The following MMEL1 variants were observed in gnomAD, a reference collection of about 807,000 sequenced individuals.
The protein encoded by MMEL1 is membrane metallo-endopeptidase-like 1.
Under a neutral mutation model 117.1 loss-of-function variants are expected in MMEL1, and 98 were observed. The ratio of observed to expected loss-of-function variants is 0.84; its 90% CI spans 0.71 to 0.99. MMEL1 has a LOEUF of 0.99. MMEL1 is among the 50% of genes least tolerant of loss of function. MMEL1 has a pLI of 0.00. For missense variants in MMEL1, 1,014 were observed against 1,049.1 expected, an observed-to-expected ratio of 0.97 and a Z score of 0.46; for synonymous variants, 390 against 415.1, an observed-to-expected ratio of 0.94 and a Z score of 0.74.
At chr1:2,629,207 G>T in intron 2 of MMEL1, 124 bp downstream of exon 2, 1 of 1,124,388 alleles carries the variant, frequency 8.9e-7, no homozygotes, top group Non-Finnish European at 1.2e-6. Context: ...GCCCAGTGCA[G>T]ACCCACCTGC....
chr1:2,590,705 G>A lies in MMEL1; in HGVS notation c.*285C>T, dbSNP rs113521430. On this transcript the variant is annotated 3_prime_UTR_variant, in exon 24 of 24. Coordinates refer to ENST00000378412, the MANE Select transcript of MMEL1 (RefSeq NM_033467.4). ...ATACTGGAAGACAATGCACCTTGGA[G>A]GGTGGGCAGGACACAGTTGATTGTC... The A allele has an allele frequency of 1.1e-4, 42 of 376,366 alleles. No individual in the cohort carries two copies. The highest frequency in any genetic ancestry group is 7.7e-4 in the African/African-American group (37 of 48,334). The allele number at this position is 376,366 out of a possible 1,614,324, so 23.3% of individuals were successfully genotyped here. A position where few individuals can be genotyped will look rare whatever the true frequency, so the allele number is the denominator to read the frequency against.
intron 7 of MMEL1, 125 bp downstream of exon 7, chr1:2,606,849 G>C: frequency 1.1e-6 from 1 of 870,120 alleles, no homozygotes; most frequent in East Asian, 2.5e-5. Context: ...GGCCTCTTGG[G>C]GCTCCTGAGA....
Position 2,606,223 on chromosome 1 carries a change from C to T in MMEL1, c.750+25G>A, listed in dbSNP as rs777891603. 2.5e-6 allele frequency: 4 copies of T among 1,592,464 alleles called. No individual in the cohort carries two copies. In the African/African-American group the frequency reaches 4.0e-5, roughly 16 times the overall value. ...AGCCAGGCTTGGGGACCCTGCCTAC[C>T]CCTGCCCACCGGCGCGGCTCGTACG... On this transcript the variant is annotated intron_variant, in intron 8 of 23. Coordinates refer to ENST00000378412, the MANE Select transcript of MMEL1 (RefSeq NM_033467.4).
chr1:2,591,672 T>TGGGGGGGG, intron 22 of MMEL1, 39 bp from the exon 23 acceptor site: 1 of 476,710 alleles, frequency 2.1e-6, no homozygotes, highest in Non-Finnish European at 3.4e-6. Context: ...GGTGGCGTGG[T>TGGGGGGGG]GGGGTGGCCA....
At chr1:2,597,558 G>T (rs889006069) in intron 13 of MMEL1, among the ~76,000 whole-genome samples, 2 of 152,050 alleles carry the variant, frequency 1.3e-5, no homozygotes, top group African/African-American at 4.8e-5. Context: ...CACCTCACCT[G>T]GGTGACCACA....
intron 3 of MMEL1, 186 bp from the exon 4 acceptor site, chr1:2,611,526 A>G: frequency 1.9e-6 from 1 of 521,364 alleles, no homozygotes; most frequent in Non-Finnish European, 3.4e-6. Flanking sequence ...AGGGTAACCA[A>G]AGCATAGTCT....
chr1:2,620,953 C>T (rs1645280529), intron 2 of MMEL1, among the ~76,000 whole-genome samples: 2 of 152,112 alleles, frequency 1.3e-5, no homozygotes, highest in African/African-American at 2.4e-5. Context: ...TACCCTCTTC[C>T]CATTGGAATT....
rs554152750 is a variant in MMEL1 at position 2,590,968 on chromosome 1, G to A, written c.*22C>T. On this transcript the variant is annotated 3_prime_UTR_variant, in exon 24 of 24. Transcript: ENST00000378412. ...TCCGAGCAGCGGGTGGGCGTGGGCC[G>A]CACAGCGCGGCAGGGCCTTGGCTAC... The A allele has an allele frequency of 4.4e-5, 66 of 1,515,306 alleles. 2 individuals are homozygous for A. The highest frequency in any genetic ancestry group is 4.7e-4 in the Middle Eastern group (2 of 4,268). The allele number at this position is 1,515,306 out of a possible 1,614,324, so 93.9% of individuals were successfully genotyped here.
intron 2 of MMEL1, among the ~76,000 whole-genome samples, chr1:2,614,216 G>A (rs148086525): frequency 2.2e-4 from 33 of 152,318 alleles, no homozygotes; most frequent in African/African-American, 7.2e-4. Flanking sequence ...AGGATGAAAC[G>A]CAGAATGAGA....
At position 2,591,972 on chromosome 1, in the gene MMEL1, T is replaced by C. The variant is rs1557515486; in HGVS notation, c.2123A>G (p.Asp708Gly). The C allele has an allele frequency of 1.2e-6, 2 of 1,613,292 alleles. No homozygotes were observed. Among genetic ancestry groups the C allele is most frequent in the Non-Finnish European group, 1.7e-6 (2 of 1,179,830 alleles). The change falls in exon 22 of 24, where the codon GAT (aspartate) becomes GGT (glycine). Residue 708 changes from aspartate to glycine, a missense_variant. Physicochemically the swap from Asp to Gly is moderately conservative, Grantham distance 94 (BLOSUM62 -1). Coordinates refer to ENST00000378412, the MANE Select transcript of MMEL1 (RefSeq NM_033467.4). ...GGKDQQLPGL[D>G]LTHEQLFFIN... ...GAAGAAGAGCTGCTCATGGGTGAGA[T>C]CCAGGCCGGGCAGCTGCTGGTCCTT...
intron 11 of MMEL1, among the ~76,000 whole-genome samples, chr1:2,601,001 A>G (rs1432233329): frequency 1.9e-5 from 2 of 106,412 alleles, no homozygotes; most frequent in African/African-American, 5.8e-5. Flanking sequence ...TGGAAGACTC[A>G]GCATTGCAAA....
chr1:2,592,969 G>A lies in MMEL1; in HGVS notation c.1868-3C>T, dbSNP rs1023440619. The A allele has an allele frequency of 3.3e-5, 53 of 1,612,928 alleles. No individual in the cohort carries two copies. Among genetic ancestry groups the A allele is most frequent in the Non-Finnish European group, 4.3e-5 (51 of 1,179,780 alleles). On this transcript the variant is annotated splice_polypyrimidine_tract_variant and splice_region_variant and intron_variant, in intron 19 of 23. Transcript: ENST00000378412. ...GCCATTCTTGTCGAAGTTCCGGCCT[G>A]GGCAGGGGCAGAGGAGGGCTGCCCA... is the stretch of plus-strand genomic sequence containing the variant.
At chr1:2,591,677 T>TGGTGTGGG in intron 22 of MMEL1, 44 bp from the exon 23 acceptor site, 1 of 441,166 alleles carries the variant, frequency 2.3e-6, no homozygotes, top group Non-Finnish European at 4.1e-6. Flanking sequence ...CGTGGTGGGG[T>TGGTGTGGG]GGCCAGGAGG....
chr1:2,593,777 G>C (rs1474330179), intron 19 of MMEL1, 37 bp downstream of exon 19: 2 of 1,559,340 alleles, frequency 1.3e-6, no homozygotes, highest in Non-Finnish European at 1.7e-6. Context: ...TCCGCGGAGA[G>C]GGGAGGGCGT....
intron 6 of MMEL1, among the ~76,000 whole-genome samples, chr1:2,608,181 C>T (rs538859401): frequency 1.3e-5 from 2 of 152,204 alleles, no homozygotes; most frequent in Admixed American, 6.5e-5. Flanking sequence ...ACGGAGACGC[C>T]CCCTAAAGCC....
rs150660153 is a variant in MMEL1, at chr1:2,603,958, C to G, written c.967G>C (p.Glu323Gln). The stretch of plus-strand genomic sequence containing the variant: ...AAGGCGATGACGTCGTGTCTCTCCT[C>G]CTGGGGTACCGTGGCCTGTGCCGGG... ...TQLAKATVPQ[E>Q]ERHDVIALYH... Residue 323 changes from glutamate (E) to glutamine (Q), a missense_variant, in exon 11 of 24, where the codon GAG becomes CAG. Transcript: ENST00000378412. 2.4e-3 allele frequency: 3,934 copies of G among 1,613,878 alleles called. 7 individuals carry two copies. Among genetic ancestry groups the G allele is most frequent in the Admixed American group, 3.1e-3 (188 of 60,026 alleles).
rs114675606 is a variant in MMEL1 at position 2,605,240 on chromosome 1, G to A, written c.816+318C>T. Among the ~76,000 whole-genome samples the A allele has an allele frequency of 3.5e-3, 538 of 152,294 alleles. 4 individuals are homozygous for A. Among genetic ancestry groups the A allele is most frequent in the Non-Finnish European group, 6.3e-3 (427 of 68,018 alleles). On this transcript the variant is annotated intron_variant, in intron 9 of 23. Coordinates refer to ENST00000378412, the MANE Select transcript of MMEL1 (RefSeq NM_033467.4). ...CAGCTGCCTGCACTCAGATCTCCAG[G>A]GGCCCTCCTGGGAATCCGGTGCTGC...
chr1:2,629,242 TG>T, intron 2 of MMEL1, 88 bp downstream of exon 2: 1 of 1,376,894 alleles, frequency 7.3e-7, no homozygotes, highest in Non-Finnish European at 9.6e-7. Context: ...GGGCTCGGGC[TG>T]GGGGCAGGCG....
chr1:2,629,379 C>CAG lies in MMEL1; in HGVS notation c.105_106insCT (p.Val36LeufsTer2). ...CCCAAGGCCACCAGGGCAGCGGTCA[C>CAG]CAGCAGCAGCAGCAGCAGCAGCCCC... On this transcript the variant is annotated frameshift_variant, in exon 2 of 24. Transcript: ENST00000378412. LOFTEE classifies it high-confidence loss of function. The CAG allele has an allele frequency of 1.3e-6, 2 of 1,536,246 alleles. No homozygotes were observed. Among genetic ancestry groups the CAG allele is most frequent in the Admixed American group, 4.0e-5 (2 of 50,452 alleles).
Sources: allele counts gnomAD v4.1 joint callset (sites outside exome capture counted in the v4.1 genomes callset), GRCh38; gene constraint gnomAD v4.1.1; transcripts MANE v1.5; gene names NCBI Gene and HGNC (gene_info 2026-07-23, HGNC 2026-07-21).